SANBR: variants seen among roughly 807,000 people sequenced by gnomAD.
The protein encoded by SANBR is SANT and BTB domain regulator of CSR, also known as SANT and BTB domain regulator of class switch recombination.
Under a neutral mutation model 101.8 loss-of-function variants are expected in SANBR, and 77 were observed. The observed-to-expected ratio is 0.76, with a 90% confidence interval of 0.63 to 0.91. SANBR has a LOEUF of 0.91. Among genes scored for constraint, SANBR ranks in the 40% least tolerant of loss-of-function variants. The probability of loss-of-function intolerance (pLI) is 0.00; values close to 1 mark genes in which losing one functional copy is unlikely to be tolerated. For synonymous variants in SANBR, 279 were observed against 274.7 expected (o/e 1.02, Z -0.15); for missense variants, 875 against 853.0 (o/e 1.03, Z -0.32).
In SANBR at chr2:61,086,158, A is replaced by ATTTAT. The variant is rs1019011324; in HGVS notation, c.891-1987_891-1983dup. ...CAATGTAGAGATATTTTTCCTTTTT[A>ATTTAT]TTTATTTTATTTTATTTTTTGAGAC... On this transcript the variant is annotated intron_variant, in intron 8 of 21. Transcript: ENST00000402291. Among the ~76,000 whole-genome samples the ATTTAT allele has an allele frequency of 4.0e-5, 6 of 151,650 alleles. No homozygotes were observed. The South Asian group carries it at 1.2e-3, about 32-fold the overall frequency.
In SANBR at chr2:61,122,352, CTT is replaced by C; in HGVS notation, c.*194_*195del. 1 of 1,246,412 alleles carries C rather than the reference CTT, an allele frequency of 8.0e-7. No homozygotes were observed. Among genetic ancestry groups the C allele is most frequent in the Non-Finnish European group, 1.0e-6 (1 of 974,860 alleles). The allele number at this position is 1,246,412 out of a possible 1,614,324, so 77.2% of individuals were successfully genotyped here. The stretch of plus-strand genomic sequence containing the variant: ...TGAAAATCTAATTGTAAATATGAAA[CTT>C]TTTAAATCTGATTTTCTTCTAATAT... On this transcript the variant is annotated 3_prime_UTR_variant, in exon 22 of 22. Coordinates refer to ENST00000402291, the MANE Select transcript of SANBR (RefSeq NM_001129993.3).
At chr2:61,131,476 CAAAA>C (rs746151628) in intron 20 of SANBR, among the ~76,000 whole-genome samples, 7 of 151,904 alleles carry the variant, frequency 4.6e-5, no homozygotes, top group Non-Finnish European at 1.0e-4. Flanking sequence ...ATAAATTTAA[CAAAA>C]GAAACAGAAA....
At chr2:61,121,376 G>A in intron 21 of SANBR, 100 bp downstream of exon 21, 4 of 711,460 alleles carry the variant, frequency 5.6e-6, no homozygotes, top group South Asian at 2.0e-5. Context: ...ATTTGAGTTT[G>A]GTTTTATGTT....
chr2:61,092,046 A>G (rs941553151), intron 10 of SANBR, among the ~76,000 whole-genome samples: 8 of 152,270 alleles, frequency 5.3e-5, no homozygotes, highest in Non-Finnish European at 8.8e-5. Context: ...AACTTGTCAT[A>G]TAACATATGC....
At chr2:61,121,100 C>A in intron 20 of SANBR, 85 bp from the exon 21 acceptor site, 1 of 963,708 alleles carries the variant, frequency 1.0e-6, no homozygotes, top group Non-Finnish European at 1.5e-6. Context: ...AAAATTACTT[C>A]TAAATTAAAA....
chr2:61,135,873 T>G (rs1209574800), intron 21 of SANBR, among the ~76,000 whole-genome samples: 2 of 152,212 alleles, frequency 1.3e-5, no homozygotes, highest in Non-Finnish European at 2.9e-5. Context: ...AAGATGGAGT[T>G]TAAATCTGAT....
chr2:61,124,276 C>A lies in SANBR; in HGVS notation c.*2114C>A, dbSNP rs1207045254. 6 of 965,442 alleles carry A rather than the reference C, an allele frequency of 6.2e-6. No homozygotes were observed. The highest frequency in any genetic ancestry group is 1.8e-5 in the African/African-American group (1 of 56,792). The allele number at this position is 965,442 out of a possible 1,614,324, so 59.8% of individuals were successfully genotyped here. A position where few individuals can be genotyped will look rare whatever the true frequency, so the allele number is the denominator to read the frequency against. On this transcript the variant is annotated 3_prime_UTR_variant, in exon 22 of 22. Transcript: ENST00000402291. ...CTTTAATTGAAATAAATGTTAATGA[C>A]AAAAGTTGTTTGGAAAGTCTCTTTA...
At position 61,083,246 on chromosome 2, in the gene SANBR, A is replaced by C; in HGVS notation, c.822A>C (p.Thr274=). The C allele has an allele frequency of 6.2e-7, 1 of 1,610,576 alleles. No homozygotes were observed. Among genetic ancestry groups the C allele is most frequent in the Non-Finnish European group, 8.5e-7 (1 of 1,176,830 alleles). Residue 274 remains threonine (T), a synonymous_variant, in exon 8 of 22, where the codon ACA becomes ACC. Coordinates refer to ENST00000402291, the MANE Select transcript of SANBR (RefSeq NM_001129993.3). ...NMNCINANLL[T]RIADLFSHNE... is the part of the protein sequence containing the mutation. ...ACTGTATTAATGCAAATCTTCTCAC[A>C]CGTATAGCTGATCTGTTCTCACACA... is the stretch of plus-strand genomic sequence containing the variant.
chr2:61,122,412 A>G lies in SANBR; in HGVS notation c.*250A>G. 3 of 1,198,198 alleles carry G rather than the reference A, an allele frequency of 2.5e-6. No homozygotes were observed. Among genetic ancestry groups the G allele is most frequent in the Non-Finnish European group, 3.1e-6 (3 of 965,842 alleles). The allele number at this position is 1,198,198 out of a possible 1,614,324, so 74.2% of individuals were successfully genotyped here. On this transcript the variant is annotated 3_prime_UTR_variant, in exon 22 of 22. Transcript: ENST00000402291. ...GGCTATGTAGAAAGCAATTATTTACAAATTTGCATAGTTGAGACTCCCAGT... is the reference window on the plus strand; with the variant it reads ...GGCTATGTAGAAAGCAATTATTTACGAATTTGCATAGTTGAGACTCCCAGT...
intron 10 of SANBR, chr2:61,089,374 T>C (rs1186180): frequency 0.64 from 103,749 of 161,572 alleles, 35,423 homozygotes; most frequent in African/African-American, 0.89. Context: ...AGCATGGTGG[T>C]GGGTGCCTGT....
chr2:61,082,895 A>G (rs1682215336), intron 7 of SANBR, among the ~76,000 whole-genome samples: 1 of 152,212 alleles, frequency 6.6e-6, no homozygotes, highest in Admixed American at 6.5e-5. Context: ...CAATTTTAAA[A>G]GATGCATTAT....
At chr2:61,080,111 C>T (rs1319869770) in intron 6 of SANBR, among the ~76,000 whole-genome samples, 1 of 148,992 alleles carries the variant, frequency 6.7e-6, no homozygotes, top group Admixed American at 6.7e-5. Context: ...GCAGGAGAAT[C>T]GCTTGAAACC....
chr2:61,071,270 G>A lies in SANBR; in HGVS notation c.151-336G>A, dbSNP rs373018659. Among the ~76,000 whole-genome samples, 61 of 151,958 alleles carry A rather than the reference G, an allele frequency of 4.0e-4. 1 individual carries two copies. The East Asian group carries it at 6.6e-3, about 16-fold the overall frequency. ...TTTTTATTTAAAAAATTCCCAAACC[G>A]CTGGGCATGGTGGCTCACGCCTGTA... On this transcript the variant is annotated intron_variant, in intron 3 of 21. Transcript: ENST00000402291.
chr2:61,137,041 C>G (rs1023434974), intron 21 of SANBR, among the ~76,000 whole-genome samples: 2 of 151,898 alleles, frequency 1.3e-5, no homozygotes, highest in African/African-American at 4.8e-5. Context: ...AATCCCAACA[C>G]TTTGGGAGAC....
At chr2:61,075,025 T>G (rs1447024619) in intron 5 of SANBR, 1 of 152,038 alleles carries the variant, frequency 6.6e-6, no homozygotes, top group Non-Finnish European at 1.5e-5. Context: ...CCTGAACTCC[T>G]GGGCTCAAGC....
intron 20 of SANBR, among the ~76,000 whole-genome samples, chr2:61,132,412 A>T (rs955050726): frequency 6.6e-6 from 1 of 152,222 alleles, no homozygotes; most frequent in African/African-American, 2.4e-5. Context: ...AAGCGCATGA[A>T]AAGTTGCTCA....
chr2:61,077,456 T>C, intron 6 of SANBR, among the ~76,000 whole-genome samples: 1 of 152,290 alleles, frequency 6.6e-6, no homozygotes, highest in East Asian at 1.9e-4. Context: ...AATACCAAGA[T>C]GTCACTTGAC....
chr2:61,078,630 C>G (rs1359863669), intron 6 of SANBR, among the ~76,000 whole-genome samples: 2 of 150,846 alleles, frequency 1.3e-5, no homozygotes, highest in Admixed American at 1.3e-4. Context: ...CCTTGTTTGT[C>G]AGGCTGGTCT....
At chr2:61,086,055 T>G (rs970436808) in intron 8 of SANBR, among the ~76,000 whole-genome samples, 15 of 152,256 alleles carry the variant, frequency 9.9e-5, no homozygotes, top group Non-Finnish European at 1.9e-4. Context: ...ATAGTGTGTC[T>G]TTCAATCCAT....
Sources: allele counts gnomAD v4.1 joint callset (sites outside exome capture counted in the v4.1 genomes callset), GRCh38; gene constraint gnomAD v4.1.1; transcripts MANE v1.5; gene names NCBI Gene and HGNC (gene_info 2026-07-23, HGNC 2026-07-21).